ZAN: variants seen among roughly 807,000 people sequenced by gnomAD.
The protein encoded by ZAN is zonadhesin, also known as zonadhesin (gene/pseudogene).
A neutral mutation model predicts 286.2 loss-of-function variants in ZAN; 260 were observed. The observed-to-expected ratio is 0.91, with a 90% CI of 0.82 to 1.01. The LOEUF is 1.01. Among genes scored for constraint, ZAN ranks in the 50% least tolerant of loss-of-function variants. ZAN has a pLI of 0.00. For synonymous variants in ZAN, 1,368 were observed against 1,417.5 expected (o/e 0.97, Z 0.79); for missense variants, 3,410 against 3,639.2 (o/e 0.94, Z 1.62).
rs1306733382 is a variant in ZAN at position 100,791,020 on chromosome 7, T to C, written c.7436T>C (p.Met2479Thr). The change falls in exon 40 of 48, where the codon ATG (methionine) becomes ACG (threonine). Residue 2479 changes from methionine (M) to threonine (T), a missense_variant. By Grantham distance (81) the Met-to-Thr change is moderately conservative. This residue lies in a region of ZAN where 1,289 missense variants were observed against 1,314.3 expected (regional missense o/e 0.98). Transcript: ENST00000613979. ...GNYDKNRKND[M>T]MLPSGALTQN... ...TACGACAAGAACCGCAAGAATGACA[T>C]GATGCTGCCCAGTGGCGCCCTGACC... is the stretch of plus-strand genomic sequence containing the variant. 6.2e-7 allele frequency: 1 copy of C among 1,612,668 alleles called. No individual in the cohort carries two copies. The highest frequency in any genetic ancestry group is 8.5e-7 in the Non-Finnish European group (1 of 1,179,522).
rs149104440 is a variant in ZAN at position 100,792,055 on chromosome 7, C to T, written c.7619C>T (p.Ala2540Val). Reference sequence around the variant, plus strand: ...TCCGAATGTAGCCCGGAGCAGCTGGCGAGCAACAGCACCCAGGCCTGTAGG... The same window carrying T: ...TCCGAATGTAGCCCGGAGCAGCTGGTGAGCAACAGCACCCAGGCCTGTAGG... ...QVSECSPEQL[A>V]SNSTQACRVL... is the part of the protein sequence containing the mutation. The change falls in exon 41 of 48, where the codon GCG becomes GTG. Residue 2540 changes from alanine to valine, a missense_variant. Ala to Val is a moderately conservative substitution (Grantham distance 64). Coordinates refer to ENST00000613979, the MANE Select transcript of ZAN (RefSeq NM_003386.3). 0.018 allele frequency: 29,228 copies of T among 1,613,032 alleles called. 326 individuals carry two copies. The highest frequency in any genetic ancestry group is 0.022 in the Non-Finnish European group (25,688 of 1,179,672).
In ZAN at chr7:100,789,088, T is replaced by G; in HGVS notation, c.7228-130T>G. On this transcript the variant is annotated intron_variant, in intron 38 of 47. Transcript: ENST00000613979. The stretch of plus-strand genomic sequence containing the variant: ...TCTGCCACGTGAATAGCAAAGCCCA[T>G]TGGGGTATCTTATTCCACTCTCTGC... 7.0e-6 allele frequency: 9 copies of G among 1,294,112 alleles called. 1 individual carries two copies. The highest frequency in any genetic ancestry group is 3.0e-5 in the African/African-American group (2 of 66,408). 80.2% of individuals were successfully genotyped at this position (1,294,112 alleles called of 1,614,324 possible).
intron 40 of ZAN, among the ~76,000 whole-genome samples, chr7:100,791,486 A>AGTTTCC (rs1811957826): frequency 2.0e-5 from 3 of 151,888 alleles, no homozygotes; most frequent in African/African-American, 7.2e-5. Flanking sequence ...AGCTCACTGC[A>AGTTTCC]ACCTCTGCCT....
intron 22 of ZAN, among the ~76,000 whole-genome samples, chr7:100,765,105 C>T (rs1809862231): frequency 6.6e-6 from 1 of 152,312 alleles, no homozygotes; most frequent in Admixed American, 6.5e-5. Context: ...AGCAGCGCTG[C>T]CAGTGGTGGG....
chr7:100,776,368 G>A (rs1426259642), intron 33 of ZAN, 72 bp from the exon 34 acceptor site: 1 of 1,509,480 alleles, frequency 6.6e-7, no homozygotes, highest in South Asian at 1.3e-5. Flanking sequence ...GTGAGGGAAG[G>A]AAAGAAGGAA....
chr7:100,789,123 T>A (rs1811766020), intron 38 of ZAN, 95 bp from the exon 39 acceptor site: 1 of 1,504,872 alleles, frequency 6.6e-7, no homozygotes, highest in African/African-American at 1.4e-5. Flanking sequence ...CACGGAGACA[T>A]ATGGAGATGA....
Position 100,775,526 on chromosome 7 carries a change from T to C in ZAN, c.5978T>C (p.Ile1993Thr), listed in dbSNP as rs758038302. Residue 1993 changes from isoleucine (I) to threonine (T), a missense_variant, in exon 32 of 48, where the codon ATT (isoleucine) becomes ACT (threonine). Transcript: ENST00000613979. ...GCTTTCCGCCTTCATGAGGTCTACA[T>C]TGACATCTACGATGCCCAGGTCACC... ...TEAFRLHEVYIDIYDAQVTLQ... is the reference protein window; with the variant it reads ...TEAFRLHEVYTDIYDAQVTLQ... 47 of 1,613,842 alleles carry C rather than the reference T, an allele frequency of 2.9e-5. No homozygotes were observed. Among genetic ancestry groups the C allele is most frequent in the South Asian group, 2.0e-4 (18 of 91,084 alleles).
chr7:100,788,125 C>T lies in ZAN; in HGVS notation c.7216C>T (p.Leu2406=), dbSNP rs1417632009. The change falls in exon 38 of 48, where the codon CTG becomes TTG. Residue 2406 remains leucine (L), a synonymous_variant. Coordinates refer to ENST00000613979, the MANE Select transcript of ZAN (RefSeq NM_003386.3). ...CTATAAAGTGCAGCTCCAAGCTGGT[C>T]TGGAGCTTGTGGTAAGAGCTGGGCC... ...YGYKVQLQAG[L]ELVVNNQKMA... The T allele has an allele frequency of 8.0e-6, 12 of 1,498,134 alleles. No individual in the cohort carries two copies. Among genetic ancestry groups the T allele is most frequent in the East Asian group, 2.3e-5 (1 of 43,080 alleles). 92.8% of individuals were successfully genotyped at this position (1,498,134 alleles called of 1,614,324 possible).
intron 19 of ZAN, among the ~76,000 whole-genome samples, chr7:100,760,799 A>G (rs1809517784): frequency 6.6e-6 from 1 of 152,228 alleles, no homozygotes; most frequent in Non-Finnish European, 1.5e-5. Context: ...AAGGAGCACT[A>G]GTGAGTTCTG....
intron 7 of ZAN, among the ~76,000 whole-genome samples, chr7:100,743,172 C>T (rs947609407): frequency 6.6e-6 from 1 of 151,468 alleles, no homozygotes; most frequent in Admixed American, 6.6e-5. Flanking sequence ...TACAGGTGTG[C>T]GTCACCATGC....
intron 27 of ZAN, among the ~76,000 whole-genome samples, 192 bp downstream of exon 27, chr7:100,768,913 C>T (rs990641360): frequency 6.6e-6 from 1 of 152,170 alleles, no homozygotes; most frequent in African/African-American, 2.4e-5. Context: ...TGACTTCCCA[C>T]GCCCACGCCT....
At chr7:100,754,752 G>A (rs1809025175) in intron 14 of ZAN, among the ~76,000 whole-genome samples, 1 of 151,730 alleles carries the variant, frequency 6.6e-6, no homozygotes, top group Non-Finnish European at 1.5e-5. Flanking sequence ...GATTACAGGG[G>A]TGTAATCCTG....
chr7:100,782,697 G>GTGTT (rs774453020), intron 35 of ZAN, among the ~76,000 whole-genome samples: 4 of 150,784 alleles, frequency 2.7e-5, no homozygotes, highest in Non-Finnish European at 5.9e-5. Flanking sequence ...GTGTGTGTGT[G>GTGTT]TGTGTATTTA....
rs13241264 is a variant in ZAN, at chr7:100,752,224, A to C, written c.2119A>C (p.Thr707Pro). Residue 707 changes from threonine (T) to proline (P), a missense_variant, in exon 14 of 48, where the codon ACA (threonine) becomes CCA (proline). Physicochemically the swap from Thr to Pro is conservative, Grantham distance 38 (BLOSUM62 -1). Coordinates refer to ENST00000613979, the MANE Select transcript of ZAN (RefSeq NM_003386.3). The part of the protein sequence containing the change: ...TISMEETIIS[T>P]EKPTISPEKP... ...CTCCATGGAAGAGACTATCATCTCC[A>C]CAGAAAAACCCACCATCTCCCCAGA... is the stretch of plus-strand genomic sequence containing the variant. 12 of 1,606,394 alleles carry C rather than the reference A, an allele frequency of 7.5e-6. No individual in the cohort carries two copies. The highest frequency in any genetic ancestry group is 1.4e-5 in the African/African-American group (1 of 72,150).
At chr7:100,767,730 G>A (rs145245622) in intron 25 of ZAN, 101 bp from the exon 26 acceptor site, 20 of 1,331,128 alleles carry the variant, frequency 1.5e-5, no homozygotes, top group African/African-American at 2.9e-5. Flanking sequence ...CCTCCGCCTC[G>A]GCCTCCCAAA....
At position 100,747,646 on chromosome 7, in the gene ZAN, A is replaced by T; in HGVS notation, c.1023+5A>T. On this transcript the variant is annotated splice_donor_5th_base_variant and intron_variant, in intron 9 of 47. Coordinates refer to ENST00000613979, the MANE Select transcript of ZAN (RefSeq NM_003386.3). The stretch of plus-strand genomic sequence containing the variant: ...ACAGCCGTGGGACGGATACAGGTAC[A>T]GAGAAGCAAGGGGTCAGGTCCTTGC... The T allele has an allele frequency of 6.2e-7, 1 of 1,613,504 alleles. No homozygotes were observed. Among genetic ancestry groups the T allele is most frequent in the Non-Finnish European group, 8.5e-7 (1 of 1,179,558 alleles).
Position 100,768,012 on chromosome 7 carries a change from G to A in ZAN, c.5041+1G>A. ...GGCGGCCAGCTCTGTGGGCTGTGTGGTGAGTTTCCTGGGCACCTGCGGGGA... is the reference window on the plus strand; with the variant it reads ...GGCGGCCAGCTCTGTGGGCTGTGTGATGAGTTTCCTGGGCACCTGCGGGGA... On this transcript the variant is annotated splice_donor_variant, in intron 26 of 47. Coordinates refer to ENST00000613979, the MANE Select transcript of ZAN (RefSeq NM_003386.3). LOFTEE classifies it high-confidence loss of function. 1 of 1,609,944 alleles carries A rather than the reference G, an allele frequency of 6.2e-7. No individual in the cohort carries two copies. Among genetic ancestry groups the A allele is most frequent in the African/African-American group, 1.3e-5 (1 of 74,990 alleles).
In ZAN at chr7:100,764,183, AC is replaced by A; in HGVS notation, c.4258del (p.His1420ThrfsTer72). Reference sequence around the variant, plus strand: ...GCCACGCTGTGAAGCCCTGGAGGGAACCCCACTTCTGCCGTGAGTTGTGCCA... The same window carrying A: ...GCCACGCTGTGAAGCCCTGGAGGGAACCCACTTCTGCCGTGAGTTGTGCCA... ...AGHAVKPWRE[P>X]HFCPMACPPN... On this transcript the variant is annotated frameshift_variant, in exon 22 of 48. Transcript: ENST00000613979. LOFTEE classifies it high-confidence loss of function. 2 of 1,568,872 alleles carry A rather than the reference AC, an allele frequency of 1.3e-6. No homozygotes were observed. Among genetic ancestry groups the A allele is most frequent in the Non-Finnish European group, 1.7e-6 (2 of 1,157,926 alleles).
In ZAN at chr7:100,752,216, TCATCTCCACAGAAAAACCCAC is replaced by T. The variant is rs1808742934; in HGVS notation, c.2119_2139del (p.Thr707_Ser713del). On this transcript the variant is annotated inframe_deletion, in exon 14 of 48. Transcript: ENST00000613979. ...CCCACCATCTCCATGGAAGAGACTA[TCATCTCCACAGAAAAACCCAC>T]CATCTCCCCAGAAAAACCCACCATC... 1.4e-6 allele frequency: 2 copies of T among 1,452,804 alleles called. No individual in the cohort carries two copies. Among genetic ancestry groups the T allele is most frequent in the African/African-American group, 3.9e-5 (2 of 50,822 alleles). The allele number at this position is 1,452,804 out of a possible 1,614,324, so 90.0% of individuals were successfully genotyped here.
Sources: gnomAD v4.1 joint callset for allele counts (sites outside exome capture counted in the v4.1 genomes callset) on GRCh38, gnomAD v4.1.1 for gene constraint, gnomAD v4.1.1 regional missense constraint, MANE v1.5 for transcripts, NCBI Gene and HGNC (gene_info 2026-07-23, HGNC 2026-07-21) for gene names.